Variants in MS4A18 observed in about 807,000 individuals in gnomAD.
The protein encoded by MS4A18 is membrane spanning 4-domains A18.
In MS4A18, 27 loss-of-function variants were observed where a neutral mutation model predicts 13.1. The ratio of observed to expected loss-of-function variants is 2.06; its 90% CI spans 1.52 to 2.84. The LOEUF is 2.84. MS4A18 is among the 30% of genes most tolerant of loss of function. The pLI, the probability that MS4A18 is intolerant of heterozygous loss-of-function variation, is 0.00. For synonymous variants in MS4A18, 126 were observed against 76.5 expected, an observed-to-expected ratio of 1.65 and a Z score of -3.38; for missense variants, 307 against 196.4, an observed-to-expected ratio of 1.56 and a Z score of -3.37.
At chr11:60,724,878 G>C (rs1853123459), upstream of MS4A18, among the ~76,000 whole-genome samples, 1 of 152,166 alleles carries the variant, frequency 6.6e-6, no homozygotes, top group African/African-American at 2.4e-5. Context: ...CGGTCCCTCG[G>C]AAGTGTCTCT....
chr11:60,740,215 C>A (rs189659385), intron 4 of MS4A18, among the ~76,000 whole-genome samples: 3 of 152,186 alleles, frequency 2.0e-5, no homozygotes, highest in Non-Finnish European at 4.4e-5. Context: ...TGTAGCACAA[C>A]GGCACTGGAT....
chr11:60,743,279 T>C (rs547111203), intron 5 of MS4A18, among the ~76,000 whole-genome samples: 2 of 152,328 alleles, frequency 1.3e-5, no homozygotes, highest in South Asian at 4.1e-4. Context: ...TTGCCATGAG[T>C]CTGCAGTCAG....
chr11:60,741,069 G>T (rs1030508417), exon 5 of MS4A18: 11 of 702,980 alleles, frequency 1.6e-5, no homozygotes, highest in Non-Finnish European at 2.6e-5. Flanking sequence ...TCTCCCCTTT[G>T]CCCTCCTGGA....
chr11:60,727,405 C>T (rs1417146235), upstream of MS4A18, among the ~76,000 whole-genome samples: 1 of 152,214 alleles, frequency 6.6e-6, no homozygotes, highest in East Asian at 1.9e-4. Context: ...AATGAAGGAA[C>T]TGAGAAGTGG....
chr11:60,729,209 ATT>A (rs1417165341), upstream of MS4A18: 6 of 621,322 alleles, frequency 9.7e-6, no homozygotes, highest in Non-Finnish European at 1.7e-5. Context: ...GGTGATTCTT[ATT>A]TTAATGAAGA....
chr11:60,728,404 A>ATGTGTGTGTG (rs150038728), upstream of MS4A18, among the ~76,000 whole-genome samples: 4 of 144,302 alleles, frequency 2.8e-5, no homozygotes, highest in African/African-American at 1.0e-4. Context: ...GTGTGTATGT[A>ATGTGTGTGTG]TGTGTGTGTG....
upstream of MS4A18, among the ~76,000 whole-genome samples, chr11:60,728,039 A>G (rs1210372762): frequency 6.6e-6 from 1 of 152,208 alleles, no homozygotes; most frequent in Non-Finnish European, 1.5e-5. Flanking sequence ...ACCCTGGACC[A>G]TAATGGTTTA....
upstream of MS4A18, among the ~76,000 whole-genome samples, chr11:60,725,525 G>T (rs539955584): frequency 4.6e-5 from 7 of 152,228 alleles, no homozygotes; most frequent in South Asian, 1.5e-3. Context: ...TAGAATCTCA[G>T]GGGTCCCAGG....
chr11:60,729,693 C>T, exon 1 of MS4A18: 2 of 702,786 alleles, frequency 2.8e-6, no homozygotes. Flanking sequence ...GGCTGACACA[C>T]ACCTCAAACT....
intron 3 of MS4A18, among the ~76,000 whole-genome samples, chr11:60,738,384 T>TC (rs1853372135): frequency 6.6e-6 from 1 of 152,142 alleles, no homozygotes; most frequent in African/African-American, 2.4e-5. Flanking sequence ...CCGACTCCCT[T>TC]CCCTCAATTC....
At chr11:60,738,735 T>C (rs1382787468) in intron 3 of MS4A18, among the ~76,000 whole-genome samples, 167 bp from the exon 5 acceptor site, 1 of 151,086 alleles carries the variant, frequency 6.6e-6, no homozygotes, top group Non-Finnish European at 1.5e-5. Flanking sequence ...AAAAAAGCAA[T>C]GATTTTTCTC....
intron 1 of MS4A18, among the ~76,000 whole-genome samples, chr11:60,732,363 G>A (rs1014370889): frequency 1.3e-5 from 2 of 152,066 alleles, no homozygotes; most frequent in East Asian, 1.9e-4. Flanking sequence ...CTGTGGGGAC[G>A]TCATAGAGGA....
In MS4A18 at chr11:60,730,650, G is replaced by GACA. The variant is rs1289024688; in HGVS notation, c.477+860_477+862dup. Among the ~76,000 whole-genome samples, 5 of 152,346 alleles carry GACA rather than the reference G, an allele frequency of 3.3e-5. No individual in the cohort carries two copies. In the East Asian group the frequency reaches 9.6e-4, roughly 29 times the overall value. ...ACAAACTGCCTCCTGGAGGCAGGAA[G>GACA]ACAAGGACAGGTGCAGGAAGGGGAC... is the stretch of plus-strand genomic sequence containing the variant. On this transcript the variant is annotated intron_variant, in intron 1 of 5. Coordinates refer to ENST00000529108, the Ensembl canonical transcript of MS4A18.
exon 1 of MS4A18, chr11:60,729,410 G>A (rs1853215908): frequency 5.7e-6 from 4 of 702,752 alleles, no homozygotes; most frequent in South Asian, 1.5e-5. Flanking sequence ...GTGGCCTCTG[G>A]AAATCATCTG....
chr11:60,742,265 G>A (rs188502118), intron 5 of MS4A18, among the ~76,000 whole-genome samples: 1 of 152,308 alleles, frequency 6.6e-6, no homozygotes, highest in East Asian at 1.9e-4. Flanking sequence ...ATAAGGAAAG[G>A]CCTGTATTTT....
upstream of MS4A18, among the ~76,000 whole-genome samples, chr11:60,728,556 CCTCT>C (rs899405590): frequency 6.0e-5 from 9 of 150,630 alleles, no homozygotes; most frequent in East Asian, 1.8e-3. Flanking sequence ...TCCCTCCTTC[CCTCT>C]CTCTGTGTGT....
chr11:60,726,978 T>G (rs988534708), upstream of MS4A18, among the ~76,000 whole-genome samples: 9 of 152,016 alleles, frequency 5.9e-5, no homozygotes, highest in African/African-American at 2.2e-4. Context: ...CCTCCCTGTG[T>G]CCATGTGTTC....
chr11:60,727,306 AC>A (rs1853175357), upstream of MS4A18, among the ~76,000 whole-genome samples: 1 of 152,146 alleles, frequency 6.6e-6, no homozygotes, highest in South Asian at 2.1e-4. Flanking sequence ...TCTTCAAAAC[AC>A]CCTTTGGAGA....
intron 3 of MS4A18, 121 bp downstream of exon 4, chr11:60,737,155 T>C: frequency 1.5e-6 from 1 of 658,846 alleles, no homozygotes. Context: ...TACAGTGCAT[T>C]TCCATACCTT....
Sources: gnomAD v4.1 joint callset for allele counts (sites outside exome capture counted in the v4.1 genomes callset) on GRCh38, gnomAD v4.1.1 for gene constraint, MANE v1.5 for transcripts, NCBI Gene and HGNC (gene_info 2026-07-23, HGNC 2026-07-21) for gene names.